The following NLRP13 variants were observed in gnomAD, a reference collection of about 807,000 sequenced individuals.
The protein encoded by NLRP13 is NLR family pyrin domain containing 13.
NLRP13 carries 82 observed loss-of-function variants against 94.4 expected under a neutral mutation model. The ratio of observed to expected loss-of-function variants is 0.87; its 90% confidence interval spans 0.73 to 1.04. The LOEUF (loss-of-function observed/expected upper bound fraction) is 1.04. Ranked by LOEUF, NLRP13 falls within the 50% of genes least tolerant of loss-of-function variation. NLRP13 has a pLI of 0.00. For missense variants in NLRP13, 1,426 were observed against 1,230.8 expected (o/e 1.16, Z -2.37); for synonymous variants, 553 against 464.7 (o/e 1.19, Z -2.45).
At chr19:55,905,476 TATATATATACACAC>T (rs1397699120) in intron 7 of NLRP13, among the ~76,000 whole-genome samples, 13 of 119,150 alleles carry the variant, frequency 1.1e-4, no homozygotes, top group Non-Finnish European at 2.2e-4. Flanking sequence ...CATATATACA[TATATATATACACAC>T]ATATATACAT....
chr19:55,902,002 T>A lies in NLRP13; in HGVS notation c.2789+33A>T, dbSNP rs368791481. 5 of 1,609,874 alleles carry A rather than the reference T, an allele frequency of 3.1e-6. No homozygotes were observed. In the East Asian group the frequency reaches 6.7e-5, roughly 22 times the overall value. The stretch of plus-strand genomic sequence containing the variant: ...GGTCAATTCCCATGGCTCTCCTCCA[T>A]CTGCCAACTCAGAGGGAGCCAAGAA... On this transcript the variant is annotated intron_variant, in intron 9 of 10. Coordinates refer to ENST00000342929, the MANE Select transcript of NLRP13 (RefSeq NM_176810.2).
rs1008547630 is a variant in NLRP13, at chr19:55,923,952, T to C, written c.485A>G (p.Asp162Gly). 21 of 1,613,782 alleles carry C rather than the reference T, an allele frequency of 1.3e-5. No homozygotes were observed. The highest frequency in any genetic ancestry group is 1.7e-5 in the Non-Finnish European group (20 of 1,179,850). The change falls in exon 4 of 11, where the codon GAT becomes GGT. Residue 162 changes from aspartate (D) to glycine (G), a missense_variant. Asp to Gly is a moderately conservative substitution (Grantham distance 94). Coordinates refer to ENST00000342929, the MANE Select transcript of NLRP13 (RefSeq NM_176810.2). ...CATCTCTGGTTCTTCTTGGTTTGGA[T>C]CTTGGCATCCCTGGGCCTGTACATT... ...TGNVQAQGCQ[D>G]PNQEEPEMLE... is the part of the protein sequence containing the mutation.
At position 55,905,425 on chromosome 19, in the gene NLRP13, A is replaced by T. The variant is rs563579828; in HGVS notation, c.2448-313T>A. Among the ~76,000 whole-genome samples, 179 of 150,788 alleles carry T rather than the reference A, an allele frequency of 1.2e-3. 1 individual carries two copies. Among genetic ancestry groups the T allele is most frequent in the African/African-American group, 4.1e-3 (169 of 41,072 alleles). The stretch of plus-strand genomic sequence containing the variant: ...TACATACATATATATACACGTATAT[A>T]TACACACACATATATATGTATATAT... On this transcript the variant is annotated intron_variant, in intron 7 of 10. Coordinates refer to ENST00000342929, the MANE Select transcript of NLRP13 (RefSeq NM_176810.2).
chr19:55,929,627 G>T (rs570620833), intron 1 of NLRP13, among the ~76,000 whole-genome samples: 1 of 152,228 alleles, frequency 6.6e-6, no homozygotes, highest in African/African-American at 2.4e-5. Context: ...CCTGTCAGTG[G>T]GTGGGGGGCT....
intron 1 of NLRP13, 36 bp from the exon 2 acceptor site, chr19:55,925,071 C>G: frequency 6.3e-7 from 1 of 1,588,926 alleles, no homozygotes; most frequent in Non-Finnish European, 8.6e-7. Flanking sequence ...ATGAGAATAC[C>G]CAGACTGAAA....
chr19:55,917,770 T>C lies in NLRP13; in HGVS notation c.524-4477A>G, dbSNP rs60415075. On this transcript the variant is annotated intron_variant, in intron 4 of 10. Transcript: ENST00000342929. ...ATCCATACCAGAGTACCTAGATTCATAAAACAAATATTATTAGACCTAAAG... is the reference window on the plus strand; with the variant it reads ...ATCCATACCAGAGTACCTAGATTCACAAAACAAATATTATTAGACCTAAAG... 9.6e-3 allele frequency among the ~76,000 whole-genome samples: 1,456 copies of C among 152,062 alleles called. 20 individuals are homozygous for C. Among genetic ancestry groups the C allele is most frequent in the African/African-American group, 0.033 (1,384 of 41,532 alleles).
chr19:55,930,119 G>C (rs1045986664), intron 1 of NLRP13, among the ~76,000 whole-genome samples: 1 of 152,110 alleles, frequency 6.6e-6, no homozygotes, highest in African/African-American at 2.4e-5. Context: ...CCAGGGTTCT[G>C]ATATGGAAGA....
chr19:55,895,009 T>A (rs926420183), downstream of NLRP13, among the ~76,000 whole-genome samples: 3 of 152,160 alleles, frequency 2.0e-5, no homozygotes, highest in Non-Finnish European at 4.4e-5. Flanking sequence ...CAAAAACCAT[T>A]ACTTTAAAAC....
chr19:55,906,011 A>C (rs1249385915), intron 7 of NLRP13, among the ~76,000 whole-genome samples: 5 of 152,284 alleles, frequency 3.3e-5, no homozygotes, highest in Admixed American at 3.3e-4. Flanking sequence ...AAGTGAGGGG[A>C]AAACTGGCTG....
intron 6 of NLRP13, 63 bp downstream of exon 6, chr19:55,910,500 A>T: frequency 7.0e-7 from 1 of 1,434,006 alleles, no homozygotes; most frequent in Non-Finnish European, 9.4e-7. Context: ...ACACTCATCA[A>T]AAGAGAGAAG....
rs1315057639 is a variant in NLRP13 at position 55,924,615 on chromosome 19, T to C, written c.432A>G (p.Glu144=). The C allele has an allele frequency of 1.2e-6, 2 of 1,613,378 alleles. No individual in the cohort carries two copies. Among genetic ancestry groups the C allele is most frequent in the East Asian group, 4.5e-5 (2 of 44,822 alleles). The change falls in exon 3 of 11, where the codon GAA becomes GAG. Residue 144 remains glutamate, a synonymous_variant. Transcript: ENST00000342929. ...CTGTTTCTTCTTCTAGCTCGTCTAG[T>C]TCTTCTTGGTTTGGATCTTGGCATC... ...TQGCQDPNQE[E]LDELEEETGN...
At chr19:55,927,595 A>T (rs1280246333) in intron 1 of NLRP13, among the ~76,000 whole-genome samples, 2 of 152,026 alleles carry the variant, frequency 1.3e-5, no homozygotes, top group African/African-American at 4.8e-5. Flanking sequence ...ACACTCTCCC[A>T]GCTCTGATAC....
chr19:55,904,624 T>A (rs1986284023), intron 8 of NLRP13, among the ~76,000 whole-genome samples: 1 of 152,178 alleles, frequency 6.6e-6, no homozygotes, highest in Non-Finnish European at 1.5e-5. Context: ...GGGCAGGAAG[T>A]AAATCTGTCA....
At chr19:55,892,762 C>T (rs1222973167), downstream of NLRP13, among the ~76,000 whole-genome samples, 1 of 152,186 alleles carries the variant, frequency 6.6e-6, no homozygotes, top group Non-Finnish European at 1.5e-5. Context: ...GATTGTTTAG[C>T]TCCAACTTGT....
chr19:55,899,154 C>T (rs753866908), intron 9 of NLRP13, among the ~76,000 whole-genome samples: 4 of 151,908 alleles, frequency 2.6e-5, no homozygotes, highest in Non-Finnish European at 5.9e-5. Context: ...GCAACACAGC[C>T]CTCTCCCTCC....
chr19:55,925,197 A>C (rs1018892813), intron 1 of NLRP13, among the ~76,000 whole-genome samples, 162 bp from the exon 2 acceptor site: 6 of 152,208 alleles, frequency 3.9e-5, no homozygotes, highest in African/African-American at 1.4e-4. Context: ...CTGAAGATGC[A>C]GTGTGCACTC....
chr19:55,917,657 G>A lies in NLRP13; in HGVS notation c.524-4364C>T, dbSNP rs181871546. On this transcript the variant is annotated intron_variant, in intron 4 of 10. Coordinates refer to ENST00000342929, the MANE Select transcript of NLRP13 (RefSeq NM_176810.2). ...ATATTAGTTGAAAGACTTTCAACCA[G>A]CAACAGTTTAAAAAAAGGCAAAGAA... 9.9e-5 allele frequency among the ~76,000 whole-genome samples: 15 copies of A among 151,824 alleles called. No homozygotes were observed. The East Asian group carries it at 2.5e-3, about 25-fold the overall frequency.
At chr19:55,907,988 TG>T in intron 6 of NLRP13, 32 bp from the exon 7 acceptor site, 1 of 1,572,584 alleles carries the variant, frequency 6.4e-7, no homozygotes. Context: ...AAAGCTGGAT[TG>T]GGGGAGAAGA....
chr19:55,894,982 G>A (rs1985962399), downstream of NLRP13, among the ~76,000 whole-genome samples: 1 of 152,088 alleles, frequency 6.6e-6, no homozygotes, highest in African/African-American at 2.4e-5. Context: ...TGCCATTTTT[G>A]CCACTAAAAG....
Sources: allele counts gnomAD v4.1 joint callset (sites outside exome capture counted in the v4.1 genomes callset), GRCh38; gene constraint gnomAD v4.1.1; transcripts MANE v1.5; gene names NCBI Gene and HGNC (gene_info 2026-07-23, HGNC 2026-07-21).